Variants in RAPGEFL1 observed in about 807,000 individuals in gnomAD.
RAPGEFL1 encodes rap guanine nucleotide exchange factor-like 1.
Under a neutral mutation model 64.4 loss-of-function variants are expected in RAPGEFL1, and 31 were observed. That is an observed-to-expected ratio of 0.48 (90% confidence interval 0.36 to 0.65). RAPGEFL1 has a LOEUF of 0.65. RAPGEFL1 is among the 30% of genes least tolerant of loss of function. The pLI is 0.00. For synonymous variants in RAPGEFL1, 331 were observed against 274.1 expected (o/e 1.21, Z -2.05); for missense variants, 682 against 677.4 (o/e 1.01, Z -0.08).
intron 6 of RAPGEFL1, 62 bp downstream of exon 6, chr17:40,189,437 T>TG (rs1014828886): frequency 1.3e-6 from 2 of 1,571,282 alleles, no homozygotes; most frequent in African/African-American, 2.7e-5. Context: ...CTCAGGGCTC[T>TG]GGGGGAGGGG....
At chr17:40,189,448 T>TAG in intron 6 of RAPGEFL1, 73 bp downstream of exon 6, 1 of 1,522,478 alleles carries the variant, frequency 6.6e-7, no homozygotes, top group Admixed American at 1.8e-5. Flanking sequence ...GGGGGAGGGG[T>TAG]AGAGACTGAA....
intron 4 of RAPGEFL1, among the ~76,000 whole-genome samples, chr17:40,186,641 T>C (rs1308199973): frequency 2.3e-5 from 3 of 133,132 alleles, no homozygotes; most frequent in Non-Finnish European, 4.6e-5. Flanking sequence ...CTCATGCCTG[T>C]AATCCCAGCA....
At position 40,177,927 on chromosome 17, in the gene RAPGEFL1, A is replaced by G; in HGVS notation, c.66A>G (p.Gly22=). 1 of 394,524 alleles carries G rather than the reference A, an allele frequency of 2.5e-6. No homozygotes were observed. The highest frequency in any genetic ancestry group is 4.5e-6 in the Non-Finnish European group (1 of 224,240). The allele number at this position is 394,524 out of a possible 1,614,324, so 24.4% of individuals were successfully genotyped here. ...AGCTGGCGGGCCGAACGGTGGCGGG[A>G]GGTCCCGGCGGGGGTCTGGGGAGCT... is the stretch of plus-strand genomic sequence containing the variant. ...TSQLAGRTVA[G]GPGGGLGSCG... The change falls in exon 1 of 15, where the codon GGA becomes GGG. Residue 22 remains glycine (G), a synonymous_variant. Transcript: ENST00000620260.
At position 40,192,251 on chromosome 17, in the gene RAPGEFL1, T is replaced by A. The variant is rs538863080; in HGVS notation, c.1644T>A (p.Phe548Leu). Residue 548 changes from phenylalanine to leucine, a missense_variant, in exon 11 of 15, where the codon TTT (phenylalanine) becomes TTA (leucine). Phe to Leu is a conservative substitution (Grantham distance 22, BLOSUM62 0). Coordinates refer to ENST00000620260, the MANE Select transcript of RAPGEFL1 (RefSeq NM_016339.6). ...PGKFKNLFRK[F>L]ENLTDPCRNH... ...AATTCAAGAACTTGTTTCGCAAATTTGAGAACCTGACGGTGAGTGGGTTTG... is the reference window on the plus strand; with the variant it reads ...AATTCAAGAACTTGTTTCGCAAATTAGAGAACCTGACGGTGAGTGGGTTTG... The A allele has an allele frequency of 6.2e-7, 1 of 1,614,032 alleles. No individual in the cohort carries two copies. The highest frequency in any genetic ancestry group is 1.3e-5 in the African/African-American group (1 of 75,032).
In RAPGEFL1 at chr17:40,191,718, G is replaced by A. The variant is rs570637777; in HGVS notation, c.1605+46G>A. 3 of 1,568,286 alleles carry A rather than the reference G, an allele frequency of 1.9e-6. No homozygotes were observed. The highest frequency in any genetic ancestry group is 2.7e-5 in the African/African-American group (2 of 74,232). Reference sequence around the variant, plus strand: ...CCTACCTGGGAATCTGGGCATCCCGGGCTCCCCGAAGTGCGTCCTCCCGGG... The same window carrying A: ...CCTACCTGGGAATCTGGGCATCCCGAGCTCCCCGAAGTGCGTCCTCCCGGG... On this transcript the variant is annotated intron_variant, in intron 10 of 14. Transcript: ENST00000620260. The surrounding 1 kb of genome is among the most constrained non-coding windows in gnomAD (Gnocchi z 5.1).
chr17:40,192,462 C>T (rs1990309256), intron 11 of RAPGEFL1, 144 bp from the exon 12 acceptor site: 2 of 905,608 alleles, frequency 2.2e-6, no homozygotes, highest in Admixed American at 2.1e-5. Flanking sequence ...AGTCAGGTCC[C>T]TCCCCACCAC....
chr17:40,189,186 C>A, intron 5 of RAPGEFL1, 22 bp from the exon 6 acceptor site: 1 of 1,612,916 alleles, frequency 6.2e-7, no homozygotes, highest in Non-Finnish European at 8.5e-7. Flanking sequence ...CTGTTGAAAG[C>A]CATTTTCCTG....
chr17:40,183,569 G>A (rs1261822248), intron 2 of RAPGEFL1, among the ~76,000 whole-genome samples: 1 of 148,502 alleles, frequency 6.7e-6, no homozygotes, highest in African/African-American at 2.5e-5. Context: ...GCCCAGGCTG[G>A]AGTGCAATGG....
chr17:40,191,201 C>A lies in RAPGEFL1; in HGVS notation c.1336-115C>A. On this transcript the variant is annotated intron_variant, in intron 8 of 14. Transcript: ENST00000620260. The surrounding 1 kb of genome is among the most constrained non-coding windows in gnomAD (Gnocchi z 5.1). Reference sequence around the variant, plus strand: ...TCCTTTCTATTTTTCTATTTTCCACCCCTTCCGCCCCCGCCCTCCTGCCTT... The same window carrying A: ...TCCTTTCTATTTTTCTATTTTCCACACCTTCCGCCCCCGCCCTCCTGCCTT... The A allele has an allele frequency of 1.1e-6, 1 of 932,516 alleles. No individual in the cohort carries two copies. The allele number at this position is 932,516 out of a possible 1,614,324, so 57.8% of individuals were successfully genotyped here.
chr17:40,191,250 C>A lies in RAPGEFL1; in HGVS notation c.1336-66C>A. On this transcript the variant is annotated intron_variant, in intron 8 of 14. Coordinates refer to ENST00000620260, the MANE Select transcript of RAPGEFL1 (RefSeq NM_016339.6). This position sits in a 1 kb window ranked among gnomAD's most constrained non-coding sequence, Gnocchi z 5.1. The stretch of plus-strand genomic sequence containing the variant: ...TTTCGCTCCTCATCGCCTTGCACTG[C>A]CATCTTCCCACCCACTCCCCTCACC... The A allele has an allele frequency of 7.0e-7, 1 of 1,433,012 alleles. No homozygotes were observed. The allele number at this position is 1,433,012 out of a possible 1,614,324, so 88.8% of individuals were successfully genotyped here.
rs1296883044 is a variant in RAPGEFL1 at position 40,183,843 on chromosome 17, T to A, written c.600-371T>A. Reference sequence around the variant, plus strand: ...GCCTTTTTTTTTTTTGCCTTTTTTTTTTTTTTTTTTTTTTTTTTGAGACAG... The same window carrying A: ...GCCTTTTTTTTTTTTGCCTTTTTTTATTTTTTTTTTTTTTTTTTGAGACAG... On this transcript the variant is annotated intron_variant, in intron 2 of 14. Coordinates refer to ENST00000620260, the MANE Select transcript of RAPGEFL1 (RefSeq NM_016339.6). Among the ~76,000 whole-genome samples the A allele has an allele frequency of 6.1e-4, 68 of 112,312 alleles. 2 individuals carry two copies. The highest frequency in any genetic ancestry group is 2.3e-4 in the Non-Finnish European group (13 of 57,686). The allele number at this position is 112,312 out of a possible 152,430, so 73.7% of individuals were successfully genotyped here.
intron 10 of RAPGEFL1, 92 bp from the exon 11 acceptor site, chr17:40,192,121 T>C: frequency 1.6e-6 from 2 of 1,231,180 alleles, no homozygotes; most frequent in Non-Finnish European, 2.4e-6. Context: ...GCAGGCCCTT[T>C]TGCCCTCCAA....
chr17:40,182,221 C>T (rs948508096), intron 2 of RAPGEFL1, among the ~76,000 whole-genome samples: 9 of 152,194 alleles, frequency 5.9e-5, no homozygotes, highest in Admixed American at 5.9e-4. Flanking sequence ...AGCACCTGCC[C>T]TGCCTATCTA....
Position 40,184,239 on chromosome 17 carries a change from G to A in RAPGEFL1, c.625G>A (p.Gly209Ser). The change falls in exon 3 of 15, where the codon GGC (glycine) becomes AGC (serine). Residue 209 changes from glycine to serine, a missense_variant. This residue lies in a region of RAPGEFL1 where 271 missense variants were observed against 158.0 expected (regional missense o/e 1.72). Coordinates refer to ENST00000620260, the MANE Select transcript of RAPGEFL1 (RefSeq NM_016339.6). The stretch of plus-strand genomic sequence containing the variant: ...CTTTGTTCGGGCAGGAGGCATGGAG[G>A]GCCCTGAAGGGCTGGGCCGGAAGCA... Reference protein sequence around the residue: ...QYFVRAGGMEGPEGLGRKQAC... With the variant: ...QYFVRAGGMESPEGLGRKQAC... 1 of 1,613,264 alleles carries A rather than the reference G, an allele frequency of 6.2e-7. No individual in the cohort carries two copies. Among genetic ancestry groups the A allele is most frequent in the Non-Finnish European group, 8.5e-7 (1 of 1,179,722 alleles).
At position 40,192,696 on chromosome 17, in the gene RAPGEFL1, G is replaced by C; in HGVS notation, c.1744+3G>C. On this transcript the variant is annotated splice_donor_region_variant and intron_variant, in intron 12 of 14. Coordinates refer to ENST00000620260, the MANE Select transcript of RAPGEFL1 (RefSeq NM_016339.6). Reference sequence around the variant, plus strand: ...CTTCGTGCCTCTGATCCTCAAAGGTGAGAGAGTTACTCCCAAGCTGTGCCG... The same window carrying C: ...CTTCGTGCCTCTGATCCTCAAAGGTCAGAGAGTTACTCCCAAGCTGTGCCG... 2.5e-6 allele frequency: 4 copies of C among 1,611,070 alleles called. No individual in the cohort carries two copies. Among genetic ancestry groups the C allele is most frequent in the Non-Finnish European group, 3.4e-6 (4 of 1,177,466 alleles).
chr17:40,193,414 C>T lies in RAPGEFL1; in HGVS notation c.1861C>T (p.Leu621Phe). The change falls in exon 14 of 15, where the codon CTT (leucine) becomes TTT (phenylalanine). Residue 621 changes from leucine (L) to phenylalanine (F), a missense_variant. Coordinates refer to ENST00000620260, the MANE Select transcript of RAPGEFL1 (RefSeq NM_016339.6). ...AATCCGCAAATACCGGAGCCGGCCC[C>T]TTTGTGAGTACCCAGGGTACTGAGA... Reference protein sequence around the residue: ...RTIRKYRSRPLCLDMEASPNH... With the variant: ...RTIRKYRSRPFCLDMEASPNH... 6.2e-7 allele frequency: 1 copy of T among 1,614,230 alleles called. No homozygotes were observed. The highest frequency in any genetic ancestry group is 2.2e-5 in the East Asian group (1 of 44,886).
intron 13 of RAPGEFL1, 109 bp from the exon 14 acceptor site, chr17:40,193,254 T>C: frequency 8.0e-7 from 1 of 1,253,736 alleles, no homozygotes; most frequent in Non-Finnish European, 1.2e-6. Context: ...CCCTCCAGAA[T>C]TGGAGACTGG....
At chr17:40,192,383 C>T in intron 11 of RAPGEFL1, 120 bp downstream of exon 11, 1 of 1,188,676 alleles carries the variant, frequency 8.4e-7, no homozygotes, top group Non-Finnish European at 1.2e-6. Flanking sequence ...ACCCCCCACC[C>T]TCCTTACCAT....
intron 2 of RAPGEFL1, among the ~76,000 whole-genome samples, chr17:40,182,751 A>G (rs1598439099): frequency 6.6e-6 from 1 of 152,226 alleles, no homozygotes. Context: ...TCCGCTAGAG[A>G]GGAGCCACTG....
Sources: gnomAD v4.1 joint callset for allele counts (sites outside exome capture counted in the v4.1 genomes callset) on GRCh38, gnomAD v4.1.1 for gene constraint, gnomAD v4.1.1 regional missense constraint, Gnocchi (gnomAD v3.1) non-coding constraint, MANE v1.5 for transcripts, NCBI Gene and HGNC (gene_info 2026-07-23, HGNC 2026-07-21) for gene names.